The following ELSPBP1 variants were observed in gnomAD, a reference collection of about 807,000 sequenced individuals.
The protein encoded by ELSPBP1 is epididymal sperm-binding protein 1.
Under a neutral mutation model 33.3 loss-of-function variants are expected in ELSPBP1, and 38 were observed. That is an observed-to-expected ratio of 1.14 (90% CI 0.88 to 1.50). The LOEUF (loss-of-function observed/expected upper bound fraction) is 1.50, where lower values mean the gene tolerates loss of function less well. ELSPBP1 is among the 40% of genes most tolerant of loss of function. ELSPBP1 has a pLI of 0.00. For missense variants in ELSPBP1, 267 were observed against 263.5 expected (o/e 1.01, Z -0.09); for synonymous variants, 85 against 94.1 (o/e 0.90, Z 0.56).
In ELSPBP1 at chr19:48,011,614, T is replaced by A. The variant is rs1373489243; in HGVS notation, c.71-2557T>A. Among the ~76,000 whole-genome samples, 1 of 105,132 alleles carries A rather than the reference T, an allele frequency of 9.5e-6. No individual in the cohort carries two copies. Among genetic ancestry groups the A allele is most frequent in the Non-Finnish European group, 2.1e-5 (1 of 48,628 alleles). 69.0% of individuals were successfully genotyped at this position (105,132 alleles called of 152,430 possible). On this transcript the variant is annotated intron_variant, in intron 2 of 6. Transcript: ENST00000339841. This position sits in a 1 kb window ranked among gnomAD's most constrained non-coding sequence, Gnocchi z 4.5. The stretch of plus-strand genomic sequence containing the variant: ...ATAATGAGGTGGATTATGATGACAA[T>A]GATGATGACAACGATGATGATGATC...
intron 1 of ELSPBP1, among the ~76,000 whole-genome samples, chr19:47,998,312 T>C (rs1269398803): frequency 2.6e-5 from 4 of 151,898 alleles, no homozygotes; most frequent in Admixed American, 2.6e-4. Flanking sequence ...CTCGGGAGGC[T>C]GAGGCAGGAG....
intron 4 of ELSPBP1, 144 bp downstream of exon 4, chr19:48,016,183 C>A (rs62129082): frequency 0.14 from 132,900 of 940,458 alleles, 10,255 homozygotes; most frequent in African/African-American, 0.2. Flanking sequence ...TCAGAGAGTT[C>A]GCTATGACAA....
intron 4 of ELSPBP1, among the ~76,000 whole-genome samples, chr19:48,016,346 T>A (rs2122324273): frequency 6.6e-6 from 1 of 152,308 alleles, no homozygotes; most frequent in South Asian, 2.1e-4. Context: ...ATTCACCCAC[T>A]GATGGACCCA....
At chr19:48,017,180 T>G (rs923296520) in intron 4 of ELSPBP1, among the ~76,000 whole-genome samples, 1 of 152,234 alleles carries the variant, frequency 6.6e-6, no homozygotes, top group Admixed American at 6.5e-5. Flanking sequence ...CCAAAGCCCA[T>G]GCTCTCTCCT....
In ELSPBP1 at chr19:48,016,845, C is replaced by T. The variant is rs189196469; in HGVS notation, c.355+806C>T. 4.3e-4 allele frequency among the ~76,000 whole-genome samples: 65 copies of T among 152,098 alleles called. 1 individual carries two copies. The East Asian group carries it at 9.7e-3, about 23-fold the overall frequency. Reference sequence around the variant, plus strand: ...AACTCCTGGTCTCAGGTGATCCATCCGCCTCGGCCTCCCAAAATGCTAGGA... The same window carrying T: ...AACTCCTGGTCTCAGGTGATCCATCTGCCTCGGCCTCCCAAAATGCTAGGA... On this transcript the variant is annotated intron_variant, in intron 4 of 6. Coordinates refer to ENST00000339841, the MANE Select transcript of ELSPBP1 (RefSeq NM_022142.5).
At chr19:48,003,615 C>A (rs942318764) in intron 1 of ELSPBP1, among the ~76,000 whole-genome samples, 2 of 150,110 alleles carry the variant, frequency 1.3e-5, no homozygotes, top group African/African-American at 4.9e-5. Flanking sequence ...CGGCTCACTG[C>A]AACCTCCGCC....
chr19:48,009,953 G>A (rs1042868267), intron 2 of ELSPBP1, among the ~76,000 whole-genome samples: 1 of 152,168 alleles, frequency 6.6e-6, no homozygotes, highest in African/African-American at 2.4e-5. Flanking sequence ...TTGTAGACAA[G>A]TATCAAGAGA....
chr19:47,999,818 C>T (rs967852077), intron 1 of ELSPBP1, among the ~76,000 whole-genome samples: 1 of 151,134 alleles, frequency 6.6e-6, no homozygotes, highest in Non-Finnish European at 1.5e-5. Context: ...TTATCACATA[C>T]GTGATTTTTT....
rs1568406646 is a variant in ELSPBP1 at position 48,014,253 on chromosome 19, T to C, written c.153T>C (p.Pro51=). The C allele has an allele frequency of 4.3e-6, 7 of 1,613,992 alleles. No individual in the cohort carries two copies. In the Admixed American group the frequency reaches 1.2e-4, roughly 27 times the overall value. ...FTCTHIHSLS[P]WCATRAVYNG... is the part of the protein sequence containing the mutation. ...GCACCCATATTCATAGCTTATCCCC[T>C]TGGTGTGCCACCAGAGCCGTGTACA... The change falls in exon 3 of 7, where the codon CCT becomes CCC. Residue 51 remains proline, a synonymous_variant. Transcript: ENST00000339841.
intron 4 of ELSPBP1, among the ~76,000 whole-genome samples, chr19:48,016,755 C>T (rs1967146826): frequency 6.6e-6 from 1 of 151,748 alleles, no homozygotes; most frequent in South Asian, 2.1e-4. Flanking sequence ...CCCACCACCA[C>T]ACCCAGCTAA....
intron 2 of ELSPBP1, among the ~76,000 whole-genome samples, chr19:48,009,433 C>T (rs868123822): frequency 6.6e-6 from 1 of 152,162 alleles, no homozygotes; most frequent in African/African-American, 2.4e-5. Flanking sequence ...TAATATATCT[C>T]AGAATCTAAA....
intron 1 of ELSPBP1, among the ~76,000 whole-genome samples, chr19:48,002,357 T>A (rs1411069745): frequency 6.6e-6 from 1 of 152,114 alleles, no homozygotes; most frequent in African/African-American, 2.4e-5. Context: ...AATGAAAGCT[T>A]GAGGTTAATG....
At chr19:48,009,159 A>G (rs1188725530) in intron 2 of ELSPBP1, among the ~76,000 whole-genome samples, 1 of 149,208 alleles carries the variant, frequency 6.7e-6, no homozygotes, top group Non-Finnish European at 1.5e-5. Context: ...AAAAAATCTC[A>G]GAAGACCTGG....
intron 1 of ELSPBP1, among the ~76,000 whole-genome samples, chr19:48,008,140 C>G (rs1600104773): frequency 2.0e-5 from 3 of 152,228 alleles, no homozygotes; most frequent in Admixed American, 2.0e-4. Context: ...CCTGTGCTTC[C>G]AGGCTACAAA....
chr19:48,008,621 G>A, intron 1 of ELSPBP1, 30 bp from the exon 2 acceptor site: 1 of 1,533,384 alleles, frequency 6.5e-7, no homozygotes, highest in South Asian at 1.1e-5. Flanking sequence ...GGGACGTGTG[G>A]GATGAAAATT....
At chr19:48,001,482 A>G (rs1222081337) in intron 1 of ELSPBP1, among the ~76,000 whole-genome samples, 1 of 151,912 alleles carries the variant, frequency 6.6e-6, no homozygotes, top group Non-Finnish European at 1.5e-5. Flanking sequence ...CCTTGTGATG[A>G]CATTGGGTCC....
At chr19:48,013,958 C>CTCTTATCTT (rs1967103319) in intron 2 of ELSPBP1, among the ~76,000 whole-genome samples, 1 of 152,068 alleles carries the variant, frequency 6.6e-6, no homozygotes, top group Non-Finnish European at 1.5e-5. Flanking sequence ...GTTCTTATCT[C>CTCTTATCTT]AGTCATGAAG....
chr19:48,019,657 A>G, intron 4 of ELSPBP1, 62 bp from the exon 5 acceptor site: 1 of 1,535,034 alleles, frequency 6.5e-7, no homozygotes, highest in Non-Finnish European at 8.9e-7. Flanking sequence ...TTTGTGTGTC[A>G]TAAATGGAAG....
chr19:47,996,690 T>C (rs1966915571), intron 1 of ELSPBP1, among the ~76,000 whole-genome samples: 1 of 151,866 alleles, frequency 6.6e-6, no homozygotes, highest in Non-Finnish European at 1.5e-5. Context: ...GGTAAAGGGA[T>C]GGTTGATGGA....
Sources: gnomAD v4.1 joint callset for allele counts (sites outside exome capture counted in the v4.1 genomes callset) on GRCh38, gnomAD v4.1.1 for gene constraint, Gnocchi (gnomAD v3.1) non-coding constraint, MANE v1.5 for transcripts, NCBI Gene and HGNC (gene_info 2026-07-23, HGNC 2026-07-21) for gene names.